CYP1A2: variants seen among roughly 807,000 people sequenced by gnomAD.
CYP1A2 encodes the protein cytochrome P450 1A2.
Under a neutral mutation model 34.7 loss-of-function variants are expected in CYP1A2, and 35 were observed. The ratio of observed to expected loss-of-function variants is 1.01; its 90% confidence interval spans 0.77 to 1.34. The LOEUF is 1.34. Among genes scored for constraint, CYP1A2 ranks in the 40% most tolerant of loss-of-function variants. The probability of loss-of-function intolerance (pLI) is 0.00; values close to 1 mark genes in which losing one functional copy is unlikely to be tolerated. For synonymous variants in CYP1A2, 288 were observed against 281.9 expected (o/e 1.02, Z -0.22); for missense variants, 675 against 675.8 (o/e 1.00, Z 0.01).
intron 1 of CYP1A2, 95 bp downstream of exon 1, chr15:74,748,992 T>C (rs1422502696): frequency 6.6e-6 from 1 of 152,222 alleles, no homozygotes; most frequent in Non-Finnish European, 1.5e-5. Context: ...CTGGGCTAGG[T>C]GTAGGGGTCC....
At chr15:74,754,530 CAG>C (rs2063329438) in intron 6 of CYP1A2, among the ~76,000 whole-genome samples, 1 of 149,034 alleles carries the variant, frequency 6.7e-6, no homozygotes, top group South Asian at 2.1e-4. Flanking sequence ...GCTGGGGAGG[CAG>C]AGAGAGTGCA....
At chr15:74,751,408 A>C in intron 3 of CYP1A2, 99 bp downstream of exon 3, 3 of 1,494,828 alleles carry the variant, frequency 2.0e-6, no homozygotes, top group Non-Finnish European at 2.7e-6. Flanking sequence ...CCAACCCTAC[A>C]CCAGATGGTA....
chr15:74,752,274 A>G, intron 5 of CYP1A2, 27 bp downstream of exon 5: 10 of 1,609,770 alleles, frequency 6.2e-6, no homozygotes, highest in Non-Finnish European at 8.5e-6. Flanking sequence ...CTGCCCTCCC[A>G]CCTCTAAAGT....
chr15:74,755,768 T>A lies in CYP1A2; in HGVS notation c.*680T>A, dbSNP rs1376526752. On this transcript the variant is annotated 3_prime_UTR_variant, in exon 7 of 7. Transcript: ENST00000343932. ...CAGCCTAACTTACATTCTTAAAGTG[T>A]CGAATGACTTCTAGTGTAGAATTGT... The A allele has an allele frequency of 6.6e-6, 1 of 152,114 alleles. No individual in the cohort carries two copies. The highest frequency in any genetic ancestry group is 1.5e-5 in the Non-Finnish European group (1 of 68,030). The allele number at this position is 152,114 out of a possible 1,614,324, so 9.4% of individuals were successfully genotyped here. A position where few individuals can be genotyped will look rare whatever the true frequency, so the allele number is the denominator to read the frequency against.
rs1294958451 is a variant in CYP1A2 at position 74,754,833 on chromosome 15, C to T, written c.1296C>T (p.Phe432=). 1 of 1,614,126 alleles carries T rather than the reference C, an allele frequency of 6.2e-7. No homozygotes were observed. The highest frequency in any genetic ancestry group is 8.5e-7 in the Non-Finnish European group (1 of 1,179,994). The change falls in exon 7 of 7, where the codon TTC becomes TTT. Residue 432 remains phenylalanine, a synonymous_variant. Transcript: ENST00000343932. Reference sequence around the variant, plus strand: ...CCTCTGAGTTCCGGCCTGAGCGGTTCCTCACCGCCGATGGCACTGCCATTA... The same window carrying T: ...CCTCTGAGTTCCGGCCTGAGCGGTTTCTCACCGCCGATGGCACTGCCATTA... The part of the protein sequence containing the change: ...EDPSEFRPER[F]LTADGTAINK...
rs2063324923 is a variant in CYP1A2, at chr15:74,753,286, T to A, written c.1253+16T>A. 3.1e-6 allele frequency: 5 copies of A among 1,606,788 alleles called. No homozygotes were observed. Among genetic ancestry groups the A allele is most frequent in the Non-Finnish European group, 3.4e-6 (4 of 1,174,566 alleles). ...ACCATGACCCGTGAGTACATACCCCTCACGAAAAAATGTGTGCAGGTTCAG... is the reference window on the plus strand; with the variant it reads ...ACCATGACCCGTGAGTACATACCCCACACGAAAAAATGTGTGCAGGTTCAG... On this transcript the variant is annotated intron_variant, in intron 6 of 6. Transcript: ENST00000343932.
At chr15:74,754,756 GC>G in intron 6 of CYP1A2, 34 bp from the exon 7 acceptor site, 1 of 1,592,532 alleles carries the variant, frequency 6.3e-7, no homozygotes, top group Non-Finnish European at 8.6e-7. Context: ...GGCCTCTCCA[GC>G]CCTGAGGTCC....
chr15:74,753,294 A>T, intron 6 of CYP1A2, 24 bp downstream of exon 6: 1 of 1,593,528 alleles, frequency 6.3e-7, no homozygotes, highest in African/African-American at 1.3e-5. Context: ...CCTCACGAAA[A>T]AATGTGTGCA....
At chr15:74,749,234 G>A (rs45607039) in intron 1 of CYP1A2, among the ~76,000 whole-genome samples, 1,674 of 152,252 alleles carry the variant, frequency 0.011, 27 homozygotes, top group African/African-American at 0.038. Flanking sequence ...CCTGGGGAGG[G>A]GGCATCACAG....
chr15:74,754,097 T>A (rs2063327862), intron 6 of CYP1A2, among the ~76,000 whole-genome samples: 1 of 152,072 alleles, frequency 6.6e-6, no homozygotes, highest in Admixed American at 6.6e-5. Flanking sequence ...AGAGACAAGG[T>A]CTTCCTATGT....
rs1204339109 is a variant in CYP1A2, at chr15:74,755,078, C to A, written c.1541C>A (p.Ser514Tyr). The A allele has an allele frequency of 6.2e-7, 1 of 1,606,496 alleles. No individual in the cohort carries two copies. Among genetic ancestry groups the A allele is most frequent in the Non-Finnish European group, 8.5e-7 (1 of 1,175,268 alleles). The change falls in exon 7 of 7, where the codon TCC (serine) becomes TAC (tyrosine). Residue 514 changes from serine (S) to tyrosine (Y), a missense_variant. Physicochemically the swap from Ser to Tyr is moderately radical, Grantham distance 144 (BLOSUM62 -2). Transcript: ENST00000343932. ...CATGTCCAGGCGCGGCTGCGCTTCT[C>A]CATCAATTGAAGAAGACACCACCAT... is the stretch of plus-strand genomic sequence containing the variant. Reference protein sequence around the residue: ...CEHVQARLRFSIN With the variant: ...CEHVQARLRFYIN
intron 5 of CYP1A2, 34 bp from the exon 6 acceptor site, chr15:74,753,150 C>T (rs1395690986): frequency 6.3e-7 from 1 of 1,586,420 alleles, no homozygotes; most frequent in Non-Finnish European, 8.6e-7. Flanking sequence ...AGCTTTCCAG[C>T]CCTGAGCCTC....
chr15:74,752,461 G>A (rs1387210902), intron 5 of CYP1A2, among the ~76,000 whole-genome samples: 1 of 152,026 alleles, frequency 6.6e-6, no homozygotes, highest in Non-Finnish European at 1.5e-5. Flanking sequence ...ATTCCCCTCT[G>A]TTCATATTCC....
rs911630114 is a variant in CYP1A2 at position 74,752,346 on chromosome 15, G to A, written c.1166+99G>A. On this transcript the variant is annotated intron_variant, in intron 5 of 6. Transcript: ENST00000343932. ...GGCCCTGGCTCAGCATCTCCTTCCC[G>A]ACCTCGTTCCCCACAGATCCCGGCC... 6.6e-6 allele frequency: 10 copies of A among 1,522,844 alleles called. No individual in the cohort carries two copies. The Admixed American group carries it at 7.3e-5, about 11-fold the overall frequency. The allele number at this position is 1,522,844 out of a possible 1,614,324, so 94.3% of individuals were successfully genotyped here.
Position 74,756,415 on chromosome 15 carries a change from G to A in CYP1A2, c.*1327G>A, listed in dbSNP as rs1437150240. On this transcript the variant is annotated 3_prime_UTR_variant, in exon 7 of 7. Coordinates refer to ENST00000343932, the MANE Select transcript of CYP1A2 (RefSeq NM_000761.5). ...ATTACAGGTGTGAGCCACGGTGCCCGGCCCACAATTAATTTTAGAACATTT... is the reference window on the plus strand; with the variant it reads ...ATTACAGGTGTGAGCCACGGTGCCCAGCCCACAATTAATTTTAGAACATTT... 6.6e-6 allele frequency among the ~76,000 whole-genome samples: 1 copy of A among 151,932 alleles called. No homozygotes were observed. The highest frequency in any genetic ancestry group is 1.5e-5 in the Non-Finnish European group (1 of 67,968).
At position 74,754,938 on chromosome 15, in the gene CYP1A2, G is replaced by C. The variant is rs763859277; in HGVS notation, c.1401G>C (p.Glu467Asp). The C allele has an allele frequency of 7.4e-6, 12 of 1,614,128 alleles. No homozygotes were observed. In the Admixed American group the frequency reaches 1.5e-4, roughly 20 times the overall value. Reference protein sequence around the residue: ...RCIGEVLAKWEIFLFLAILLQ... With the variant: ...RCIGEVLAKWDIFLFLAILLQ... ...TCGGGGAAGTCCTGGCCAAGTGGGA[G>C]ATCTTCCTCTTCCTGGCCATCCTGC... Residue 467 changes from glutamate to aspartate, a missense_variant, in exon 7 of 7, where the codon GAG (glutamate) becomes GAC (aspartate). By Grantham distance (45) the Glu-to-Asp change is conservative (BLOSUM62 2). Coordinates refer to ENST00000343932, the MANE Select transcript of CYP1A2 (RefSeq NM_000761.5).
At position 74,751,328 on chromosome 15, in the gene CYP1A2, C is replaced by T. The variant is rs28399419; in HGVS notation, c.952+19C>T. On this transcript the variant is annotated intron_variant, in intron 3 of 6. Transcript: ENST00000343932. ...GGAGCAGGTAGGAACCAGAACCTTGCCCCTCCATCCAACAATGCCTGCTGT... is the reference window on the plus strand; with the variant it reads ...GGAGCAGGTAGGAACCAGAACCTTGTCCCTCCATCCAACAATGCCTGCTGT... 7.3e-3 allele frequency: 11,825 copies of T among 1,613,146 alleles called. 51 individuals are homozygous for T. Among genetic ancestry groups the T allele is most frequent in the Non-Finnish European group, 9.1e-3 (10,734 of 1,179,512 alleles).
intron 6 of CYP1A2, 89 bp from the exon 7 acceptor site, chr15:74,754,702 G>A: frequency 7.6e-7 from 1 of 1,319,200 alleles, no homozygotes; most frequent in South Asian, 1.4e-5. Flanking sequence ...CCTCACACTT[G>A]TGTTCTCAAC....
At chr15:74,750,649 C>A in intron 2 of CYP1A2, 80 bp downstream of exon 2, 9 of 1,246,780 alleles carry the variant, frequency 7.2e-6, no homozygotes, top group Admixed American at 1.9e-5. Context: ...AGCATGCCCA[C>A]ACAGCTGCTG....
Sources: gnomAD v4.1 joint callset for allele counts (sites outside exome capture counted in the v4.1 genomes callset) on GRCh38, gnomAD v4.1.1 for gene constraint, MANE v1.5 for transcripts, NCBI Gene and HGNC (gene_info 2026-07-23, HGNC 2026-07-21) for gene names.